KASH5: variants seen among roughly 807,000 people sequenced by gnomAD.
KASH5 encodes the protein protein KASH5.
A neutral mutation model predicts 84.2 loss-of-function variants in KASH5; 72 were observed. The ratio of observed to expected loss-of-function variants is 0.85; its 90% confidence interval spans 0.71 to 1.04. The LOEUF (loss-of-function observed/expected upper bound fraction) is 1.04. Ranked by LOEUF, KASH5 falls within the 50% of genes least tolerant of loss-of-function variation. The pLI, the probability that KASH5 is intolerant of heterozygous loss-of-function variation, is 0.00. For synonymous variants in KASH5, 260 were observed against 279.1 expected (o/e 0.93, Z 0.68); for missense variants, 650 against 701.0 (o/e 0.93, Z 0.82).
rs1974917340 is a variant in KASH5, at chr19:49,416,760, C to A, written c.1375-255C>A. On this transcript the variant is annotated intron_variant, in intron 17 of 19. Transcript: ENST00000447857. This position sits in a 1 kb window ranked among gnomAD's most constrained non-coding sequence, Gnocchi z 5.4. ...TTCCTACATTCACTCATTTAGTCTCCATGTTAACCCTATGAGGTGGGGACA... is the reference window on the plus strand; with the variant it reads ...TTCCTACATTCACTCATTTAGTCTCAATGTTAACCCTATGAGGTGGGGACA... Among the ~76,000 whole-genome samples, 1 of 152,138 alleles carries A rather than the reference C, an allele frequency of 6.6e-6. No homozygotes were observed. The highest frequency in any genetic ancestry group is 2.1e-4 in the South Asian group (1 of 4,824).
At chr19:49,409,363 C>G (rs1446134254) in intron 14 of KASH5, 80 bp downstream of exon 14, 1 of 1,410,456 alleles carries the variant, frequency 7.1e-7, no homozygotes, top group Admixed American at 1.9e-5. Context: ...ATCCTCACAC[C>G]AGCCTAGCCC....
At position 49,395,031 on chromosome 19, in the gene KASH5, G is replaced by A. The variant is rs1974127343; in HGVS notation, c.149-75G>A. The stretch of plus-strand genomic sequence containing the variant: ...CACCAGCCTAGCCAGTGACATCCTG[G>A]TCCCAAGCTGCTGCCAGTCCATACC... On this transcript the variant is annotated intron_variant, in intron 3 of 19. Coordinates refer to ENST00000447857, the MANE Select transcript of KASH5 (RefSeq NM_144688.5). The surrounding 1 kb of genome is among the most constrained non-coding windows in gnomAD (Gnocchi z 4.4). 8.3e-7 allele frequency: 1 copy of A among 1,204,748 alleles called. No homozygotes were observed. The highest frequency in any genetic ancestry group is 1.5e-5 in the African/African-American group (1 of 65,026). The allele number at this position is 1,204,748 out of a possible 1,614,324, so 74.6% of individuals were successfully genotyped here.
rs999031647 is a variant in KASH5 at position 49,414,309 on chromosome 19, G to A, written c.1329-642G>A. Among the ~76,000 whole-genome samples the A allele has an allele frequency of 1.3e-5, 2 of 152,116 alleles. No individual in the cohort carries two copies. The highest frequency in any genetic ancestry group is 2.4e-5 in the African/African-American group (1 of 41,434). The stretch of plus-strand genomic sequence containing the variant: ...GCTCTTCCAGTCCTCCTGGAAGAGG[G>A]TCTTGCACCTAAGAGGATTCGGCAT... On this transcript the variant is annotated intron_variant, in intron 16 of 19. Coordinates refer to ENST00000447857, the MANE Select transcript of KASH5 (RefSeq NM_144688.5). The surrounding 1 kb of genome is among the most constrained non-coding windows in gnomAD (Gnocchi z 4.5).
intron 9 of KASH5, among the ~76,000 whole-genome samples, chr19:49,403,384 A>G (rs1568616562): frequency 3.0e-5 from 4 of 133,794 alleles, no homozygotes; most frequent in Non-Finnish European, 3.1e-5. Context: ...AATAAAAAAA[A>G]AGGGGGGGGG....
Position 49,397,348 on chromosome 19 carries a change from C to T in KASH5, c.401-303C>T, listed in dbSNP as rs118013903. Among the ~76,000 whole-genome samples the T allele has an allele frequency of 2.0e-4, 31 of 152,150 alleles. No individual in the cohort carries two copies. The East Asian group carries it at 4.8e-3, about 24-fold the overall frequency. On this transcript the variant is annotated intron_variant, in intron 5 of 19. Coordinates refer to ENST00000447857, the MANE Select transcript of KASH5 (RefSeq NM_144688.5). Reference sequence around the variant, plus strand: ...CTGGGGGTGACAGGGAGCAAGGGAGCCAGGTCCGCCCAGTGGCTGAGTGGT... The same window carrying T: ...CTGGGGGTGACAGGGAGCAAGGGAGTCAGGTCCGCCCAGTGGCTGAGTGGT...
intron 2 of KASH5, chr19:49,393,492 G>GAC (rs1974069703): frequency 6.6e-6 from 1 of 152,298 alleles, no homozygotes. Flanking sequence ...TGTGCTCAGT[G>GAC]AGCTGCTGCA....
intron 17 of KASH5, chr19:49,415,206 C>T (rs1185797505): frequency 1.6e-6 from 1 of 610,124 alleles, no homozygotes; most frequent in Non-Finnish European, 2.9e-6. Context: ...AGTGGGCGGC[C>T]AGGCTGCTCC....
rs1974289943 is a variant in KASH5 at position 49,399,441 on chromosome 19, C to T, written c.748-16C>T. On this transcript the variant is annotated splice_polypyrimidine_tract_variant and intron_variant, in intron 8 of 19. Transcript: ENST00000447857. The surrounding 1 kb of genome is among the most constrained non-coding windows in gnomAD (Gnocchi z 4.4). The stretch of plus-strand genomic sequence containing the variant: ...GCTAGAAATGAAACCTTTGTCCTCT[C>T]TCTGGGGTTGGTCAGGAAAAGGAGC... 6.2e-7 allele frequency: 1 copy of T among 1,608,356 alleles called. No homozygotes were observed. The highest frequency in any genetic ancestry group is 1.1e-5 in the South Asian group (1 of 89,770).
intron 9 of KASH5, among the ~76,000 whole-genome samples, chr19:49,403,048 G>A (rs1008169977): frequency 6.6e-6 from 1 of 152,108 alleles, no homozygotes; most frequent in African/African-American, 2.4e-5. Context: ...TTCAAAGTAG[G>A]AAAACGTGGG....
chr19:49,398,974 T>A (rs1021647992), intron 7 of KASH5, 51 bp from the exon 8 acceptor site: 10 of 1,384,950 alleles, frequency 7.2e-6, no homozygotes, highest in Non-Finnish European at 1.0e-5. Flanking sequence ...TCTCTGTGCT[T>A]CTCTGCCTTC....
Position 49,409,253 on chromosome 19 carries a change from G to A in KASH5, c.1116G>A (p.Ser372=), listed in dbSNP as rs199694412. ...GCTGGACCGAGCTGCTACCCCCATC[G>A]CTGGGCTTGGAGATCGAGGCCATTC... ...RVGWTELLPP[S]LGLEIEAIRQ... Residue 372 remains serine (S), a synonymous_variant, in exon 14 of 20, where the codon TCG becomes TCA. Coordinates refer to ENST00000447857, the MANE Select transcript of KASH5 (RefSeq NM_144688.5). 2,470 of 1,613,902 alleles carry A rather than the reference G, an allele frequency of 1.5e-3. 22 individuals are homozygous for A. The Middle Eastern group carries it at 0.027, about 18-fold the overall frequency.
intron 15 of KASH5, among the ~76,000 whole-genome samples, chr19:49,410,486 C>CA (rs542867308): frequency 7.3e-6 from 1 of 136,076 alleles, no homozygotes; most frequent in Non-Finnish European, 1.6e-5. Context: ...CCATGACTGG[C>CA]TTTTTTTTTT....
At chr19:49,391,245 C>G (rs1973995462) in intron 2 of KASH5, among the ~76,000 whole-genome samples, 2 of 152,172 alleles carry the variant, frequency 1.3e-5, no homozygotes, top group African/African-American at 4.8e-5. Context: ...CTGTGACACT[C>G]TCTCCCCTGC....
At chr19:49,415,412 A>G (rs1974873594) in intron 17 of KASH5, 1 of 311,506 alleles carries the variant, frequency 3.2e-6, no homozygotes, top group African/African-American at 2.2e-5. Flanking sequence ...CTGCAGCCAC[A>G]CAGGCCAGTT....
intron 3 of KASH5, chr19:49,394,805 G>A: frequency 3.4e-6 from 2 of 592,108 alleles, no homozygotes; most frequent in Non-Finnish European, 3.0e-6. Flanking sequence ...AGAGGGCAGA[G>A]TTTTGGGGTC....
chr19:49,409,107 A>T, intron 13 of KASH5, 76 bp downstream of exon 13: 1 of 1,582,548 alleles, frequency 6.3e-7, no homozygotes, highest in Non-Finnish European at 8.6e-7. Context: ...TCCAGCCCCA[A>T]GGTGGGCAGG....
intron 15 of KASH5, 39 bp downstream of exon 15, chr19:49,409,914 AGGGG>A: frequency 6.2e-7 from 1 of 1,605,310 alleles, no homozygotes; most frequent in South Asian, 1.1e-5. Flanking sequence ...GGAGCTGGAA[AGGGG>A]CCAGGAGCTC....
At chr19:49,411,705 T>C (rs1040358176) in intron 15 of KASH5, among the ~76,000 whole-genome samples, 1 of 152,104 alleles carries the variant, frequency 6.6e-6, no homozygotes. Context: ...GGGCCGGGCC[T>C]CTCAGTGCTC....
intron 16 of KASH5, among the ~76,000 whole-genome samples, chr19:49,413,256 G>A (rs1034242030): frequency 6.6e-6 from 1 of 152,158 alleles, no homozygotes; most frequent in Non-Finnish European, 1.5e-5. Context: ...GGCTCCCAGC[G>A]AGGCTGCCAT....
Sources: gnomAD v4.1 joint callset for allele counts (sites outside exome capture counted in the v4.1 genomes callset) on GRCh38, gnomAD v4.1.1 for gene constraint, Gnocchi (gnomAD v3.1) non-coding constraint, MANE v1.5 for transcripts, NCBI Gene and HGNC (gene_info 2026-07-23, HGNC 2026-07-21) for gene names.